The following ABCG8 variants were observed in gnomAD, a reference collection of about 807,000 sequenced individuals.
ABCG8 encodes ATP binding cassette subfamily G member 8, also known as ATP-binding cassette sub-family G member 8.
In ABCG8, 81 loss-of-function variants were observed where a neutral mutation model predicts 71.3. That is an observed-to-expected ratio of 1.14 (90% CI 0.95 to 1.37). ABCG8 has a LOEUF of 1.37. Ranked by LOEUF, ABCG8 falls within the 40% of genes most tolerant of loss-of-function variation. The pLI, the probability that ABCG8 is intolerant of heterozygous loss-of-function variation, is 0.00. For missense variants in ABCG8, 1,119 were observed against 866.2 expected (o/e 1.29, Z -3.66); for synonymous variants, 451 against 354.7 (o/e 1.27, Z -3.05).
chr2:43,856,552 C>A (rs1669114827), intron 6 of ABCG8, among the ~76,000 whole-genome samples: 1 of 151,778 alleles, frequency 6.6e-6, no homozygotes, highest in South Asian at 2.1e-4. Context: ...CACTTTCTAT[C>A]TGGATAGAAC....
At chr2:43,852,256 C>G (rs1668943726) in intron 4 of ABCG8, 98 bp from the exon 5 acceptor site, 1 of 1,563,642 alleles carries the variant, frequency 6.4e-7, no homozygotes, top group South Asian at 1.1e-5. Flanking sequence ...ACTTTCAAAC[C>G]CAGCCGGAGG....
rs74358901 is a variant in ABCG8 at position 43,851,752 on chromosome 2, G to C, written c.491G>C (p.Arg164Pro). 1 of 1,614,232 alleles carries C rather than the reference G, an allele frequency of 6.2e-7. No homozygotes were observed. The highest frequency in any genetic ancestry group is 1.7e-5 in the Admixed American group (1 of 60,032). Residue 164 changes from arginine to proline, a missense_variant, in exon 4 of 13, where the codon CGA (arginine) becomes CCA (proline). By Grantham distance (103) the Arg-to-Pro change is moderately radical. Transcript: ENST00000272286. ...HNQLLPNLTV[R>P]ETLAFIAQMR... is the part of the protein sequence containing the mutation. ...CAGCTGCTCCCCAACTTGACTGTGC[G>C]AGAGACCTTGGCCTTCATTGCCCAG...
intron 1 of ABCG8, among the ~76,000 whole-genome samples, chr2:43,840,882 C>G (rs1668563685): frequency 6.6e-6 from 1 of 152,134 alleles, no homozygotes; most frequent in South Asian, 2.1e-4. Flanking sequence ...ACTTCTCTGG[C>G]CTAAAAGTCC....
rs1217388050 is a variant in ABCG8, at chr2:43,874,406, G to T, written c.1412-1G>T. The T allele has an allele frequency of 6.3e-7, 1 of 1,596,784 alleles. No homozygotes were observed. Among genetic ancestry groups the T allele is most frequent in the Non-Finnish European group, 8.6e-7 (1 of 1,165,122 alleles). On this transcript the variant is annotated splice_acceptor_variant, in intron 9 of 12. Coordinates refer to ENST00000272286, the MANE Select transcript of ABCG8 (RefSeq NM_022437.3). LOFTEE classifies it high-confidence loss of function. ...CTCTTTTCCTTTCCCTTACTTTTTA[G>T]GTTACTCAGAGAGGGCAATGCTTTA...
intron 6 of ABCG8, among the ~76,000 whole-genome samples, chr2:43,864,846 A>C (rs1669464844): frequency 1.3e-5 from 2 of 152,034 alleles, no homozygotes; most frequent in Middle Eastern, 3.4e-3. Flanking sequence ...CTATCTGGAT[A>C]GAACTCTCAC....
Position 43,877,623 on chromosome 2 carries a change from C to A in ABCG8, c.1819C>A (p.Gln607Lys). 5 of 1,614,130 alleles carry A rather than the reference C, an allele frequency of 3.1e-6. No homozygotes were observed. Among genetic ancestry groups the A allele is most frequent in the Non-Finnish European group, 4.2e-6 (5 of 1,180,008 alleles). ...GTGTTTTGAAGGGCTGATGAAGATT[C>A]AGTTCAGCAGAAGAACTTATAAAAT... ...RWCFEGLMKI[Q>K]FSRRTYKMPL... Residue 607 changes from glutamine (Q) to lysine (K), a missense_variant, in exon 12 of 13, where the codon CAG (glutamine) becomes AAG (lysine). By Grantham distance (53) the Gln-to-Lys change is moderately conservative. Coordinates refer to ENST00000272286, the MANE Select transcript of ABCG8 (RefSeq NM_022437.3).
chr2:43,841,187 G>T (rs977251525), intron 1 of ABCG8, among the ~76,000 whole-genome samples: 1 of 152,186 alleles, frequency 6.6e-6, no homozygotes, highest in Non-Finnish European at 1.5e-5. Flanking sequence ...CACTCCCCCC[G>T]GGGCATAGGC....
At chr2:43,842,399 G>A (rs1160411665) in intron 1 of ABCG8, among the ~76,000 whole-genome samples, 3 of 152,296 alleles carry the variant, frequency 2.0e-5, no homozygotes, top group South Asian at 2.1e-4. Flanking sequence ...CGGAGAGGGC[G>A]AGTGAGGGGC....
Position 43,877,565 on chromosome 2 carries a change from C to T in ABCG8, c.1761C>T (p.Pro587=), listed in dbSNP as rs367995462. The change falls in exon 12 of 13, where the codon CCC becomes CCT. Residue 587 remains proline (P), a synonymous_variant. Transcript: ENST00000272286. Reference sequence around the variant, plus strand: ...AACGCGGCTGTCTGTCTCCAGTGCCCGCGTGGATTTCCAAAGTGTCCTTCC... The same window carrying T: ...AACGCGGCTGTCTGTCTCCAGTGCCTGCGTGGATTTCCAAAGTGTCCTTCC... The part of the protein sequence containing the change: ...MINLSSLWTV[P]AWISKVSFLR... 5.0e-6 allele frequency: 8 copies of T among 1,613,682 alleles called. No homozygotes were observed. The Admixed American group carries it at 6.7e-5, about 13-fold the overall frequency.
intron 6 of ABCG8, among the ~76,000 whole-genome samples, chr2:43,861,495 A>G (rs1669316504): frequency 1.3e-5 from 2 of 151,120 alleles, no homozygotes; most frequent in South Asian, 4.2e-4. Flanking sequence ...TCTGGATAGA[A>G]TTCTCACTCT....
At position 43,853,017 on chromosome 2, in the gene ABCG8, G is replaced by C. The variant is rs1668982455; in HGVS notation, c.964+149G>C. On this transcript the variant is annotated intron_variant, in intron 6 of 12. Coordinates refer to ENST00000272286, the MANE Select transcript of ABCG8 (RefSeq NM_022437.3). ...CAATGATGGGGAAGAACATGGGGTG[G>C]TTTGCCAGGTATCAAATGCTAGAAA... 2.9e-6 allele frequency: 3 copies of C among 1,051,686 alleles called. No homozygotes were observed. The South Asian group carries it at 4.4e-5, about 15-fold the overall frequency. 65.1% of individuals were successfully genotyped at this position (1,051,686 alleles called of 1,614,324 possible). A position where few individuals can be genotyped will look rare whatever the true frequency, so the allele number is the denominator to read the frequency against.
At chr2:43,847,743 CTGTTTTGTTTTTTTTGTTGTTGT>C (rs1558802051) in intron 3 of ABCG8, 1 of 151,800 alleles carries the variant, frequency 6.6e-6, no homozygotes, top group Non-Finnish European at 1.5e-5. Flanking sequence ...GAATAGTCTC[CTGTTTTGTTTTTTTTGTTGTTGT>C]TGTTTTGTTT....
At chr2:43,844,752 C>G (rs1243333165) in intron 2 of ABCG8, 144 bp downstream of exon 2, 3 of 676,690 alleles carry the variant, frequency 4.4e-6, no homozygotes, top group Non-Finnish European at 2.7e-6. Flanking sequence ...CCTCACGTGT[C>G]AGGTGCAATA....
chr2:43,870,835 T>C (rs1025964351), intron 6 of ABCG8, among the ~76,000 whole-genome samples: 8 of 151,824 alleles, frequency 5.3e-5, no homozygotes, highest in Non-Finnish European at 1.0e-4. Context: ...TGGATAGAAC[T>C]CTCACTGTCT....
rs369131115 is a variant in ABCG8 at position 43,872,295 on chromosome 2, G to C, written c.1200G>C (p.Thr400=). ...TGCCTGGGGCGGTGCAGCAGTTTAC[G>C]ACGCTGATCCGGTAATTATCTGTCA... ...TKMPGAVQQF[T]TLIRRQISND... is the part of the protein sequence containing the mutation. The change falls in exon 8 of 13, where the codon ACG becomes ACC. Residue 400 remains threonine (T), a synonymous_variant. Transcript: ENST00000272286. The C allele has an allele frequency of 1.9e-6, 3 of 1,613,812 alleles. No homozygotes were observed. The highest frequency in any genetic ancestry group is 1.3e-5 in the African/African-American group (1 of 75,012).
chr2:43,848,670 C>G (rs148312785), intron 3 of ABCG8: 14 of 152,256 alleles, frequency 9.2e-5, no homozygotes, highest in African/African-American at 3.4e-4. Flanking sequence ...CCCCCTCTCC[C>G]CCTGCCCAAC....
Position 43,874,124 on chromosome 2 carries a change from T to A in ABCG8, c.1411+138T>A, listed in dbSNP as rs573702242. On this transcript the variant is annotated intron_variant, in intron 9 of 12. Coordinates refer to ENST00000272286, the MANE Select transcript of ABCG8 (RefSeq NM_022437.3). ...AATAATGTTTTTAAAGTTTGCATGT[T>A]AATATTAGCATACAAATGAAAGTAA... The A allele has an allele frequency of 3.3e-4, 333 of 997,234 alleles. 1 individual carries two copies. Among genetic ancestry groups the A allele is most frequent in the Middle Eastern group, 1.8e-3 (6 of 3,428 alleles). The allele number at this position is 997,234 out of a possible 1,614,324, so 61.8% of individuals were successfully genotyped here.
chr2:43,844,878 T>C (rs1421622024), intron 2 of ABCG8, among the ~76,000 whole-genome samples: 1 of 152,184 alleles, frequency 6.6e-6, no homozygotes, highest in Non-Finnish European at 1.5e-5. Context: ...TCTCTGGGAC[T>C]CTTTTTAAAC....
chr2:43,844,639 G>A (rs745552107), intron 2 of ABCG8, 31 bp downstream of exon 2: 19 of 1,554,716 alleles, frequency 1.2e-5, no homozygotes, highest in Non-Finnish European at 1.7e-5. Flanking sequence ...AAGGGGAGAG[G>A]AGCAGGCAGG....
Sources: gnomAD v4.1 joint callset for allele counts (sites outside exome capture counted in the v4.1 genomes callset) on GRCh38, gnomAD v4.1.1 for gene constraint, MANE v1.5 for transcripts, NCBI Gene and HGNC (gene_info 2026-07-23, HGNC 2026-07-21) for gene names.